The following LRRC4C variants were observed in gnomAD, a reference collection of about 807,000 sequenced individuals.
The protein encoded by LRRC4C is leucine rich repeat containing 4C.
LRRC4C carries 5 observed loss-of-function variants against 33.6 expected under a neutral mutation model. That is an observed-to-expected ratio of 0.15 (90% CI 0.08 to 0.31). The LOEUF is 0.31. LRRC4C is among the 10% of genes least tolerant of loss of function. The pLI, the probability that LRRC4C is intolerant of heterozygous loss-of-function variation, is 1.00. For synonymous variants in LRRC4C, 329 were observed against 302.0 expected, an observed-to-expected ratio of 1.09 and a Z score of -0.93; for missense variants, 560 against 796.7, an observed-to-expected ratio of 0.70 and a Z score of 3.58.
At chr11:40,362,829 A>G (rs1948021079) in intron 3 of LRRC4C, among the ~76,000 whole-genome samples, 1 of 152,210 alleles carries the variant, frequency 6.6e-6, no homozygotes, top group South Asian at 2.1e-4. Context: ...AACATCACTG[A>G]TCATTAGAGA....
intron 3 of LRRC4C, among the ~76,000 whole-genome samples, chr11:40,479,052 TATTA>T (rs1220192946): frequency 6.6e-6 from 1 of 152,086 alleles, no homozygotes; most frequent in African/African-American, 2.4e-5. Flanking sequence ...ATTATATATT[TATTA>T]GTGAGAGAAT....
At chr11:40,177,683 A>G (rs1205971042) in intron 5 of LRRC4C, among the ~76,000 whole-genome samples, 3 of 151,912 alleles carry the variant, frequency 2.0e-5, no homozygotes, top group Non-Finnish European at 4.4e-5. Flanking sequence ...ATCTTTCTCC[A>G]TTGCCATTTT....
chr11:40,746,809 C>G (rs923853221), intron 2 of LRRC4C, among the ~76,000 whole-genome samples: 2 of 152,168 alleles, frequency 1.3e-5, no homozygotes, highest in Non-Finnish European at 2.9e-5. Context: ...TGCTATACCA[C>G]AACTGGTGCC....
chr11:40,475,384 A>C (rs1953161088), intron 3 of LRRC4C, among the ~76,000 whole-genome samples: 1 of 152,098 alleles, frequency 6.6e-6, no homozygotes, highest in Admixed American at 6.5e-5. Flanking sequence ...TCTCACTCAA[A>C]AGTGGAAGTT....
At chr11:40,657,295 T>C (rs933246515) in intron 2 of LRRC4C, among the ~76,000 whole-genome samples, 2 of 152,202 alleles carry the variant, frequency 1.3e-5, no homozygotes, top group African/African-American at 4.8e-5. Flanking sequence ...AGTCTAATGA[T>C]TGGTCTAAGC....
chr11:41,034,640 A>T (rs2219671), intron 1 of LRRC4C, among the ~76,000 whole-genome samples: 271 of 119,122 alleles, frequency 2.3e-3, no homozygotes, highest in Middle Eastern at 4.7e-3. Flanking sequence ...TATATATATG[A>T]GGTGAGAGTT....
chr11:40,662,086 C>G (rs568300119), intron 2 of LRRC4C, among the ~76,000 whole-genome samples: 3 of 152,186 alleles, frequency 2.0e-5, no homozygotes, highest in Non-Finnish European at 4.4e-5. Context: ...ATTCAAATGT[C>G]TGAATATTTA....
intron 3 of LRRC4C, among the ~76,000 whole-genome samples, chr11:40,617,705 G>T (rs1962002124): frequency 6.6e-6 from 1 of 151,456 alleles, no homozygotes; most frequent in Admixed American, 6.6e-5. Context: ...TCTGAATTTG[G>T]TATTCTTTAT....
At chr11:40,177,021 G>C (rs184016631) in intron 5 of LRRC4C, among the ~76,000 whole-genome samples, 3 of 132,366 alleles carry the variant, frequency 2.3e-5, no homozygotes, top group Admixed American at 1.8e-4. Context: ...CCGCCTCCCA[G>C]GTTCACACCA....
chr11:41,246,990 C>T (rs1948476052), intron 1 of LRRC4C, among the ~76,000 whole-genome samples: 1 of 152,222 alleles, frequency 6.6e-6, no homozygotes, highest in Non-Finnish European at 1.5e-5. Context: ...ATTTGGACAT[C>T]TTTCCACCCC....
intron 3 of LRRC4C, among the ~76,000 whole-genome samples, chr11:40,475,842 CTGGGT>C: frequency 6.6e-6 from 1 of 152,248 alleles, no homozygotes; most frequent in East Asian, 1.9e-4. Context: ...ATCACAGTTC[CTGGGT>C]TGTCTCATTC....
At chr11:41,427,468 T>G (rs1040142915) in intron 1 of LRRC4C, among the ~76,000 whole-genome samples, 2 of 152,166 alleles carry the variant, frequency 1.3e-5, no homozygotes, top group African/African-American at 4.8e-5. Flanking sequence ...GAATGTGTGT[T>G]ATGTAATAGA....
intron 2 of LRRC4C, among the ~76,000 whole-genome samples, chr11:40,659,467 G>T (rs1943309696): frequency 6.6e-6 from 1 of 152,090 alleles, no homozygotes; most frequent in Admixed American, 6.5e-5. Flanking sequence ...CCATGACCTG[G>T]AGTCAGAGCT....
At chr11:41,183,374 GGAGGTGGGGCAT>G (rs763595432) in intron 1 of LRRC4C, among the ~76,000 whole-genome samples, 405 of 152,278 alleles carry the variant, frequency 2.7e-3, no homozygotes, top group Non-Finnish European at 4.1e-3. Context: ...TACATACAAT[GGAGGTGGGGCAT>G]TGGGTAAATA....
intron 2 of LRRC4C, among the ~76,000 whole-genome samples, chr11:40,669,493 C>A (rs1943978618): frequency 1.3e-5 from 2 of 152,316 alleles, no homozygotes; most frequent in South Asian, 4.1e-4. Context: ...CTTCTCCTCT[C>A]CAGCATTTCT....
chr11:40,778,135 T>C (rs1185607555), intron 2 of LRRC4C, among the ~76,000 whole-genome samples: 1 of 152,224 alleles, frequency 6.6e-6, no homozygotes, highest in Admixed American at 6.5e-5. Context: ...TTCTGTTGTA[T>C]AGTTGTTTTA....
rs1359914814 is a variant in LRRC4C at position 40,358,177 on chromosome 11, T to C, written c.-269-38456A>G. On this transcript the variant is annotated intron_variant, in intron 3 of 6. Coordinates refer to ENST00000528697, the MANE Select transcript of LRRC4C (RefSeq NM_001258419.2). Reference sequence around the variant, plus strand: ...CAGCCTGGGAGAGAGAGAGAGACTCTGTCTCAAAAATAAATAAATAAATAA... The same window carrying C: ...CAGCCTGGGAGAGAGAGAGAGACTCCGTCTCAAAAATAAATAAATAAATAA... Among the ~76,000 whole-genome samples the C allele has an allele frequency of 2.2e-5, 3 of 138,800 alleles. No homozygotes were observed. The East Asian group carries it at 7.3e-4, about 34-fold the overall frequency. The allele number at this position is 138,800 out of a possible 152,430, so 91.1% of individuals were successfully genotyped here.
chr11:40,175,004 G>A (rs934755304), intron 5 of LRRC4C, among the ~76,000 whole-genome samples: 4 of 152,238 alleles, frequency 2.6e-5, no homozygotes, highest in East Asian at 1.9e-4. Flanking sequence ...TGTAAAAAGC[G>A]AGAAACAGAT....
chr11:41,177,962 C>T (rs1038339589), intron 1 of LRRC4C, among the ~76,000 whole-genome samples: 1 of 152,132 alleles, frequency 6.6e-6, no homozygotes, highest in African/African-American at 2.4e-5. Context: ...CCAGAGTTAC[C>T]TCAACTCGGA....
Sources: gnomAD v4.1 joint callset for allele counts (sites outside exome capture counted in the v4.1 genomes callset) on GRCh38, gnomAD v4.1.1 for gene constraint, MANE v1.5 for transcripts, NCBI Gene and HGNC (gene_info 2026-07-23, HGNC 2026-07-21) for gene names.